The following NUDC variants were observed in gnomAD, a reference collection of about 807,000 sequenced individuals.
The protein encoded by NUDC is nuclear distribution C, dynein complex regulator.
Under a neutral mutation model 45.0 loss-of-function variants are expected in NUDC, and 14 were observed. The ratio of observed to expected loss-of-function variants is 0.31; its 90% CI spans 0.21 to 0.49. The LOEUF (loss-of-function observed/expected upper bound fraction) is 0.49. Among genes scored for constraint, NUDC ranks in the 20% least tolerant of loss-of-function variants. The pLI is 0.99. For missense variants in NUDC, 323 were observed against 426.2 expected, an observed-to-expected ratio of 0.76 and a Z score of 2.13; for synonymous variants, 153 against 156.7, an observed-to-expected ratio of 0.98 and a Z score of 0.17.
chr1:26,924,266 G>C, intron 2 of NUDC, 100 bp downstream of exon 2: 1 of 1,010,476 alleles, frequency 9.9e-7, no homozygotes. Flanking sequence ...CAGCAGAAGC[G>C]AAATGCCAAA....
chr1:26,923,526 G>A (rs1470198534), intron 1 of NUDC, among the ~76,000 whole-genome samples: 5 of 151,872 alleles, frequency 3.3e-5, no homozygotes, highest in South Asian at 4.1e-4. Context: ...GCTGGAGTGC[G>A]GTGGCACGAT....
intron 2 of NUDC, among the ~76,000 whole-genome samples, chr1:26,934,780 C>T (rs1305365268): frequency 6.6e-6 from 1 of 151,474 alleles, no homozygotes; most frequent in African/African-American, 2.4e-5. Context: ...CTGCCTCAGC[C>T]TCCAGTAGCT....
intron 2 of NUDC, among the ~76,000 whole-genome samples, chr1:26,908,033 G>A (rs1432732273): frequency 7.2e-5 from 11 of 152,166 alleles, no homozygotes. Context: ...ACAAAAATTA[G>A]CCAGGCGTGG....
chr1:26,921,995 C>T (rs2082095458), intron 1 of NUDC, 66 bp downstream of exon 1: 6 of 1,482,986 alleles, frequency 4.0e-6, no homozygotes, highest in South Asian at 3.6e-5. Flanking sequence ...CCTTCTCTGC[C>T]TTCGAGGGCT....
intron 3 of NUDC, among the ~76,000 whole-genome samples, chr1:26,914,340 G>C (rs1276691855): frequency 6.6e-6 from 1 of 152,212 alleles, no homozygotes; most frequent in East Asian, 1.9e-4. Flanking sequence ...GTGCACAAAA[G>C]ACTAGGGCTT....
chr1:26,928,095 T>C (rs946057699), intron 2 of NUDC, among the ~76,000 whole-genome samples: 1 of 152,200 alleles, frequency 6.6e-6, no homozygotes, highest in Non-Finnish European at 1.5e-5. Flanking sequence ...CTAATCAATA[T>C]GGTATTGATA....
At chr1:26,921,313 G>A (rs1038964191), upstream of NUDC, among the ~76,000 whole-genome samples, 5 of 152,178 alleles carry the variant, frequency 3.3e-5, no homozygotes, top group African/African-American at 1.2e-4. Flanking sequence ...CATGAAGCTG[G>A]CCCTAGTCAA....
intron 3 of NUDC, among the ~76,000 whole-genome samples, chr1:26,913,250 GCACTC>G (rs2082038854): frequency 1.3e-5 from 2 of 152,204 alleles, no homozygotes; most frequent in Admixed American, 1.3e-4. Flanking sequence ...TCGCACCACT[GCACTC>G]CAGACTGGGT....
At chr1:26,906,335 A>C (rs1253203120) in intron 2 of NUDC, among the ~76,000 whole-genome samples, 1 of 152,098 alleles carries the variant, frequency 6.6e-6, no homozygotes, top group East Asian at 1.9e-4. Context: ...GCATGCCTGT[A>C]ATCCCAGCTA....
chr1:26,921,950 G>T (rs201893334), intron 1 of NUDC, 21 bp downstream of exon 1: 7 of 1,548,030 alleles, frequency 4.5e-6, no homozygotes, highest in East Asian at 2.4e-5. Context: ...GCGCGGCGTC[G>T]GCCCACCCGG....
At chr1:26,925,315 C>T (rs1213527782) in intron 2 of NUDC, among the ~76,000 whole-genome samples, 4 of 150,996 alleles carry the variant, frequency 2.6e-5, no homozygotes, top group Non-Finnish European at 3.0e-5. Context: ...CCGAGGCTGG[C>T]GGATCACGAG....
chr1:26,937,303 C>T (rs1168137830), intron 2 of NUDC, among the ~76,000 whole-genome samples: 4 of 152,270 alleles, frequency 2.6e-5, no homozygotes, highest in East Asian at 1.9e-4. Flanking sequence ...CTCACTCTCA[C>T]GCAGGTTGTA....
intron 2 of NUDC, among the ~76,000 whole-genome samples, chr1:26,902,679 G>C (rs2081985454): frequency 1.3e-5 from 2 of 151,944 alleles, no homozygotes; most frequent in African/African-American, 2.4e-5. Flanking sequence ...GAGCCCAAGA[G>C]AGCAAGGCTG....
chr1:26,924,750 A>G (rs985763947), intron 2 of NUDC, among the ~76,000 whole-genome samples: 1 of 152,134 alleles, frequency 6.6e-6, no homozygotes, highest in African/African-American at 2.4e-5. Context: ...ACGAGGTTTC[A>G]TCATATTGGC....
chr1:26,912,475 A>G (rs2082034340), intron 3 of NUDC, among the ~76,000 whole-genome samples: 1 of 152,182 alleles, frequency 6.6e-6, no homozygotes, highest in Admixed American at 6.5e-5. Flanking sequence ...ATGAACTAGT[A>G]TATGTAAAAC....
chr1:26,920,529 G>T (rs564147061), upstream of NUDC, among the ~76,000 whole-genome samples: 94 of 152,002 alleles, frequency 6.2e-4, 1 homozygote, highest in Middle Eastern at 0.017. Flanking sequence ...AGAGAGATGG[G>T]AGGTGAGGGA....
At chr1:26,941,714 G>C (rs761231726) in intron 3 of NUDC, 39 bp from the exon 4 acceptor site, 1 of 1,614,008 alleles carries the variant, frequency 6.2e-7, no homozygotes, top group South Asian at 1.1e-5. Flanking sequence ...GCACTGAGCA[G>C]TGGGGTCCTG....
intron 2 of NUDC, among the ~76,000 whole-genome samples, chr1:26,939,478 T>G (rs1557679803): frequency 2.0e-5 from 3 of 152,060 alleles, no homozygotes; most frequent in South Asian, 4.1e-4. Flanking sequence ...AATACAAAAA[T>G]TAGCCAGGCA....
chr1:26,913,400 G>C, intron 3 of NUDC: 1 of 1,613,780 alleles, frequency 6.2e-7, no homozygotes, highest in Non-Finnish European at 8.5e-7. Context: ...GGAGTGTCTG[G>C]GAGCTCACCG....
Sources: allele counts gnomAD v4.1 joint callset (sites outside exome capture counted in the v4.1 genomes callset), GRCh38; gene constraint gnomAD v4.1.1; transcripts MANE v1.5; gene names NCBI Gene and HGNC (gene_info 2026-07-23, HGNC 2026-07-21).